The following SHOC1 variants were observed in gnomAD, a reference collection of about 807,000 sequenced individuals.
The protein encoded by SHOC1 is shortage in chiasmata 1.
In SHOC1, 136 loss-of-function variants were observed where a neutral mutation model predicts 179.2. The observed-to-expected ratio is 0.76, with a 90% CI of 0.66 to 0.87. SHOC1 has a LOEUF of 0.87. Among genes scored for constraint, SHOC1 ranks in the 40% least tolerant of loss-of-function variants. SHOC1 has a pLI of 0.00. For missense variants in SHOC1, 1,538 were observed against 1,700.8 expected, an observed-to-expected ratio of 0.90 and a Z score of 1.68; for synonymous variants, 489 against 586.6, an observed-to-expected ratio of 0.83 and a Z score of 2.41.
At chr9:111,750,679 T>C (rs1834535084) in intron 8 of SHOC1, among the ~76,000 whole-genome samples, 1 of 152,168 alleles carries the variant, frequency 6.6e-6, no homozygotes, top group Admixed American at 6.5e-5. Context: ...CTTTGCCCAC[T>C]TTTGGGGGTT....
In SHOC1 at chr9:111,691,825, G is replaced by C. The variant is rs1831445034; in HGVS notation, c.4152C>G (p.Asn1384Lys). The change falls in exon 27 of 28, where the codon AAC becomes AAG. Residue 1384 changes from asparagine (N) to lysine (K), a missense_variant. Transcript: ENST00000682961. ...AATTACCTTTCTGAGAGTACAATTT[G>C]TTACATGCAGTCTGCTGTGCACCAT... ...LQYGAQQTAC[N>K]KLYSQKGNLF... is the part of the protein sequence containing the mutation. The C allele has an allele frequency of 6.2e-7, 1 of 1,613,602 alleles. No individual in the cohort carries two copies. The highest frequency in any genetic ancestry group is 1.3e-5 in the African/African-American group (1 of 74,906).
At position 111,741,628 on chromosome 9, in the gene SHOC1, A is replaced by AATTTT. The variant is rs1451010440; in HGVS notation, c.1080-63_1080-59dup. 9.8e-6 allele frequency: 9 copies of AATTTT among 918,666 alleles called. No homozygotes were observed. In the East Asian group the frequency reaches 2.1e-4, roughly 21 times the overall value. The allele number at this position is 918,666 out of a possible 1,614,324, so 56.9% of individuals were successfully genotyped here. On this transcript the variant is annotated intron_variant, in intron 10 of 27. Coordinates refer to ENST00000682961, the MANE Select transcript of SHOC1 (RefSeq NM_001378211.1). ...TAATATTGAGTCTTTTGTATAATAA[A>AATTTT]ATTTTATTTTATTTTATTTTTTTGA...
intron 17 of SHOC1, 122 bp from the exon 18 acceptor site, chr9:111,713,294 G>A: frequency 1.8e-6 from 1 of 549,226 alleles, no homozygotes; most frequent in South Asian, 2.5e-5. Context: ...AGATTACAAA[G>A]CAAATATTTC....
In SHOC1 at chr9:111,718,254, A is replaced by C. The variant is rs1832884355; in HGVS notation, c.2166T>G (p.His722Gln). Residue 722 changes from histidine (H) to glutamine (Q), a missense_variant, in exon 16 of 28, where the codon CAT becomes CAG. By Grantham distance (24) the His-to-Gln change is conservative. Transcript: ENST00000682961. ...TTACCAGAAGATGTAAGAGAGCGGC[A>C]TGCTTGAAAGTCATTTCTCTTTCAT... ...TIDEREMTFK[H>Q]AALLHLLVTI... The C allele has an allele frequency of 5.0e-6, 8 of 1,597,678 alleles. No individual in the cohort carries two copies. The highest frequency in any genetic ancestry group is 6.8e-6 in the Non-Finnish European group (8 of 1,174,158).
chr9:111,760,825 T>C (rs1280045047), intron 5 of SHOC1, among the ~76,000 whole-genome samples: 2 of 102,872 alleles, frequency 1.9e-5, no homozygotes, highest in Non-Finnish European at 4.9e-5. Context: ...AGACTAACTA[T>C]GGTAAAATTT....
chr9:111,719,533 C>T (rs1400364063), intron 15 of SHOC1, among the ~76,000 whole-genome samples: 1 of 152,200 alleles, frequency 6.6e-6, no homozygotes, highest in Non-Finnish European at 1.5e-5. Flanking sequence ...AATTACAGGA[C>T]TGAAACTATA....
chr9:111,688,054 C>T (rs1385686238), intron 27 of SHOC1, among the ~76,000 whole-genome samples: 1 of 152,098 alleles, frequency 6.6e-6, no homozygotes, highest in African/African-American at 2.4e-5. Context: ...CTTGGTTCTT[C>T]ACTGTAAAGC....
At chr9:111,753,577 T>TA (rs1447292209) in intron 8 of SHOC1, among the ~76,000 whole-genome samples, 1 of 152,188 alleles carries the variant, frequency 6.6e-6, no homozygotes, top group Non-Finnish European at 1.5e-5. Context: ...TAGTAAATTG[T>TA]ATCTGACGGC....
In SHOC1 at chr9:111,748,112, G is replaced by C; in HGVS notation, c.950C>G (p.Pro317Arg). 3.1e-6 allele frequency: 5 copies of C among 1,612,954 alleles called. No homozygotes were observed. The highest frequency in any genetic ancestry group is 4.2e-6 in the Non-Finnish European group (5 of 1,179,218). ...TCTACCTGGTTTACTGCACTCTTCTGGTTCACTCTGGCTTTGAATGGTCAA... is the reference window on the plus strand; with the variant it reads ...TCTACCTGGTTTACTGCACTCTTCTCGTTCACTCTGGCTTTGAATGGTCAA... ...EILTIQSQSE[P>R]EECSKPGELE... is the part of the protein sequence containing the mutation. Residue 317 changes from proline to arginine, a missense_variant, in exon 9 of 28, where the codon CCA becomes CGA. Pro to Arg is a moderately radical substitution (Grantham distance 103, BLOSUM62 -2). Coordinates refer to ENST00000682961, the MANE Select transcript of SHOC1 (RefSeq NM_001378211.1).
chr9:111,735,382 T>C (rs1402629003), intron 12 of SHOC1, among the ~76,000 whole-genome samples: 1 of 152,174 alleles, frequency 6.6e-6, no homozygotes, highest in Non-Finnish European at 1.5e-5. Context: ...CCCCTCCCTG[T>C]GTCCATGTGT....
rs185650532 is a variant in SHOC1, at chr9:111,688,249, C to A, written c.4427-1379G>T. Among the ~76,000 whole-genome samples, 358 of 152,242 alleles carry A rather than the reference C, an allele frequency of 2.4e-3. 1 individual carries two copies. The highest frequency in any genetic ancestry group is 7.8e-3 in the African/African-American group (323 of 41,542). On this transcript the variant is annotated intron_variant, in intron 27 of 27. Coordinates refer to ENST00000682961, the MANE Select transcript of SHOC1 (RefSeq NM_001378211.1). Reference sequence around the variant, plus strand: ...TTTTCTGGATATCAATCTCTCACAGCCAATTCTAAAATTTCTAAAAATGCT... The same window carrying A: ...TTTTCTGGATATCAATCTCTCACAGACAATTCTAAAATTTCTAAAAATGCT...
intron 20 of SHOC1, among the ~76,000 whole-genome samples, chr9:111,706,179 G>C (rs949346004): frequency 3.9e-5 from 6 of 152,062 alleles, no homozygotes; most frequent in Non-Finnish European, 7.4e-5. Context: ...AGTATTTGTA[G>C]ATAATTTGTT....
intron 24 of SHOC1, among the ~76,000 whole-genome samples, chr9:111,698,344 T>C (rs530143841): frequency 8.2e-4 from 125 of 152,346 alleles, no homozygotes; most frequent in African/African-American, 2.7e-3. Flanking sequence ...TTTAAGTCTT[T>C]AATCCATCTT....
At chr9:111,780,539 A>G (rs1835997996) in intron 4 of SHOC1, among the ~76,000 whole-genome samples, 2 of 152,154 alleles carry the variant, frequency 1.3e-5, no homozygotes, top group South Asian at 4.1e-4. Context: ...TTATATCTGT[A>G]TCTAATATAT....
At chr9:111,772,619 CT>C (rs1479833919) in intron 5 of SHOC1, among the ~76,000 whole-genome samples, 1 of 152,188 alleles carries the variant, frequency 6.6e-6, no homozygotes, top group African/African-American at 2.4e-5. Context: ...TAGGTGATAT[CT>C]TAAGCCCAGG....
rs773640706 is a variant in SHOC1, at chr9:111,780,897, G to A, written c.257+33C>T. 2.7e-6 allele frequency: 4 copies of A among 1,491,524 alleles called. No homozygotes were observed. The African/African-American group carries it at 4.2e-5, about 16-fold the overall frequency. The allele number at this position is 1,491,524 out of a possible 1,614,324, so 92.4% of individuals were successfully genotyped here. On this transcript the variant is annotated intron_variant, in intron 4 of 27. Coordinates refer to ENST00000682961, the MANE Select transcript of SHOC1 (RefSeq NM_001378211.1). ...ACTTACTGTTTATCTTCTACTAGAT[G>A]TAAAAGAGAAATTTGAGATTAAGGA...
intron 2 of SHOC1, among the ~76,000 whole-genome samples, chr9:111,787,945 C>T (rs10114682): frequency 0.057 from 8,735 of 151,936 alleles, 617 homozygotes; most frequent in African/African-American, 0.17. Context: ...ACTAAAGACT[C>T]GGGTAATTAT....
At chr9:111,762,253 C>T (rs1391665472) in intron 5 of SHOC1, among the ~76,000 whole-genome samples, 7 of 147,808 alleles carry the variant, frequency 4.7e-5, no homozygotes, top group South Asian at 2.1e-4. Flanking sequence ...AACATAGGGA[C>T]ATCTTGTCTC....
intron 3 of SHOC1, 54 bp from the exon 4 acceptor site, chr9:111,781,071 T>G (rs1435500521): frequency 5.0e-6 from 6 of 1,203,924 alleles, no homozygotes; most frequent in Non-Finnish European, 7.2e-6. Flanking sequence ...TACACTTAAT[T>G]CAAGGAAGCC....
Sources: gnomAD v4.1 joint callset for allele counts (sites outside exome capture counted in the v4.1 genomes callset) on GRCh38, gnomAD v4.1.1 for gene constraint, MANE v1.5 for transcripts, NCBI Gene and HGNC (gene_info 2026-07-23, HGNC 2026-07-21) for gene names.